Variants in NEGR1 observed in about 807,000 individuals in gnomAD.
NEGR1 encodes the protein IgLON family member 4.
NEGR1 carries 10 observed loss-of-function variants against 40.9 expected under a neutral mutation model. The observed-to-expected ratio is 0.24, with a 90% CI of 0.15 to 0.42. The LOEUF is 0.42. Among genes scored for constraint, NEGR1 ranks in the 10% least tolerant of loss-of-function variants. The probability of loss-of-function intolerance (pLI) is 1.00; values close to 1 mark genes in which losing one functional copy is unlikely to be tolerated. For missense variants in NEGR1, 352 were observed against 438.9 expected (o/e 0.80, Z 1.77); for synonymous variants, 185 against 166.8 (o/e 1.11, Z -0.84).
intron 6 of NEGR1, among the ~76,000 whole-genome samples, chr1:71,443,485 G>A (rs1646561714): frequency 6.6e-6 from 1 of 152,082 alleles, no homozygotes. Flanking sequence ...GTTGCTGAGG[G>A]GCAGAGACAG....
intron 1 of NEGR1, among the ~76,000 whole-genome samples, chr1:72,263,144 T>C (rs555697020): frequency 4.0e-5 from 6 of 151,754 alleles, no homozygotes; most frequent in East Asian, 1.9e-4. Context: ...CATCTACATA[T>C]ACTTAAATAT....
intron 6 of NEGR1, among the ~76,000 whole-genome samples, chr1:71,552,686 C>A (rs183213153): frequency 6.6e-6 from 1 of 150,444 alleles, no homozygotes; most frequent in African/African-American, 2.4e-5. Flanking sequence ...ATTATATATT[C>A]CACACTATAT....
At chr1:71,943,339 A>G (rs1570536948) in intron 1 of NEGR1, among the ~76,000 whole-genome samples, 1 of 150,616 alleles carries the variant, frequency 6.6e-6, no homozygotes, top group African/African-American at 2.4e-5. Context: ...AGAGCCATTT[A>G]TATATATACA....
chr1:71,552,343 G>A (rs979675779), intron 6 of NEGR1, among the ~76,000 whole-genome samples: 4 of 149,580 alleles, frequency 2.7e-5, no homozygotes, highest in African/African-American at 9.8e-5. Context: ...AGGGACACTA[G>A]GATCACAGAT....
At position 72,182,773 on chromosome 1, in the gene NEGR1, CGT is replaced by C. The variant is rs1308849098; in HGVS notation, c.176+99544_176+99545del. ...TGATATATATGAGTATCTGTGTGTG[CGT>C]GTGTATATATATATATATATATATG... On this transcript the variant is annotated intron_variant, in intron 1 of 6. Transcript: ENST00000357731. Among the ~76,000 whole-genome samples, 5 of 65,562 alleles carry C rather than the reference CGT, an allele frequency of 7.6e-5. No homozygotes were observed. In the East Asian group the frequency reaches 2.5e-3, roughly 33 times the overall value. 43.0% of individuals were successfully genotyped at this position (65,562 alleles called of 152,430 possible).
chr1:71,933,566 A>G (rs1046810772), intron 2 of NEGR1, among the ~76,000 whole-genome samples: 9 of 152,180 alleles, frequency 5.9e-5, no homozygotes, highest in Non-Finnish European at 1.5e-5. Flanking sequence ...AGAGAACAAG[A>G]TTAAGCTTGA....
At chr1:72,181,518 CA>C (rs1486288462) in intron 1 of NEGR1, among the ~76,000 whole-genome samples, 4 of 152,054 alleles carry the variant, frequency 2.6e-5, no homozygotes, top group African/African-American at 7.2e-5. Context: ...TAAAAATAAA[CA>C]AGCAAACATA....
At chr1:72,148,486 T>C (rs1440110470) in intron 1 of NEGR1, among the ~76,000 whole-genome samples, 1 of 152,144 alleles carries the variant, frequency 6.6e-6, no homozygotes, top group African/African-American at 2.4e-5. Flanking sequence ...TTGTTACTTA[T>C]GCAAGTTTCT....
chr1:71,734,417 C>T (rs1654983837), intron 3 of NEGR1, among the ~76,000 whole-genome samples: 1 of 152,072 alleles, frequency 6.6e-6, no homozygotes, highest in Non-Finnish European at 1.5e-5. Context: ...AGGCTATTGA[C>T]TTATTTTATA....
chr1:71,437,868 T>C (rs2101307154), intron 6 of NEGR1, among the ~76,000 whole-genome samples: 1 of 151,850 alleles, frequency 6.6e-6, no homozygotes, highest in Non-Finnish European at 1.5e-5. Flanking sequence ...GAAAAAGAAG[T>C]ATGATTATTT....
At chr1:71,631,912 G>A (rs1302507211) in intron 4 of NEGR1, among the ~76,000 whole-genome samples, 6 of 151,814 alleles carry the variant, frequency 4.0e-5, no homozygotes, top group South Asian at 2.1e-4. Context: ...GCATTAAGGA[G>A]TAATTCAATT....
At chr1:71,999,676 T>TAC (rs1553129023) in intron 1 of NEGR1, among the ~76,000 whole-genome samples, 9 of 52,228 alleles carry the variant, frequency 1.7e-4, no homozygotes, top group Non-Finnish European at 2.8e-4. Context: ...TATATATATA[T>TAC]ATACATACAT....
chr1:71,957,688 A>C (rs189525678), intron 1 of NEGR1, among the ~76,000 whole-genome samples: 1 of 152,210 alleles, frequency 6.6e-6, no homozygotes, highest in Non-Finnish European at 1.5e-5. Context: ...CCAATTTAAC[A>C]TATCTACTAC....
intron 2 of NEGR1, among the ~76,000 whole-genome samples, chr1:71,926,557 T>G (rs1645774956): frequency 6.6e-6 from 1 of 151,938 alleles, no homozygotes; most frequent in Non-Finnish European, 1.5e-5. Flanking sequence ...GTGCTCCTCC[T>G]TTCTGCTATG....
chr1:71,593,881 A>C (rs1348313650), intron 5 of NEGR1, among the ~76,000 whole-genome samples: 1 of 152,176 alleles, frequency 6.6e-6, no homozygotes, highest in Non-Finnish European at 1.5e-5. Context: ...GGACTCTTAT[A>C]TCTCTCTCTG....
At chr1:72,235,531 T>C (rs936196220) in intron 1 of NEGR1, among the ~76,000 whole-genome samples, 7 of 151,996 alleles carry the variant, frequency 4.6e-5, no homozygotes, top group East Asian at 1.9e-4. Context: ...ATAGGAAATA[T>C]AAACAATGTG....
intron 1 of NEGR1, among the ~76,000 whole-genome samples, chr1:72,222,215 T>C (rs1654035789): frequency 1.3e-5 from 2 of 151,954 alleles, no homozygotes; most frequent in African/African-American, 2.4e-5. Flanking sequence ...TGCAGGCTCA[T>C]ACTTGCAAAC....
At chr1:71,913,622 T>C (rs575359130) in intron 2 of NEGR1, among the ~76,000 whole-genome samples, 2 of 152,204 alleles carry the variant, frequency 1.3e-5, no homozygotes, top group Non-Finnish European at 2.9e-5. Flanking sequence ...CCAAATGATA[T>C]GCCTTCATAA....
At chr1:71,583,032 G>A (rs1018880281) in intron 6 of NEGR1, among the ~76,000 whole-genome samples, 2 of 152,092 alleles carry the variant, frequency 1.3e-5, no homozygotes, top group Non-Finnish European at 2.9e-5. Context: ...GGTTAGAGAA[G>A]CATCTATCTG....
Sources: allele counts gnomAD v4.1 joint callset (sites outside exome capture counted in the v4.1 genomes callset), GRCh38; gene constraint gnomAD v4.1.1; transcripts MANE v1.5; gene names NCBI Gene and HGNC (gene_info 2026-07-23, HGNC 2026-07-21).